OLFM1: variants seen among roughly 807,000 people sequenced by gnomAD.
OLFM1 encodes noelin.
A neutral mutation model predicts 49.7 loss-of-function variants in OLFM1; 9 were observed. The observed-to-expected ratio is 0.18, with a 90% CI of 0.11 to 0.32. The LOEUF (loss-of-function observed/expected upper bound fraction) is 0.32, where lower values mean the gene tolerates loss of function less well. Among genes scored for constraint, OLFM1 ranks in the 10% least tolerant of loss-of-function variants. The probability of loss-of-function intolerance (pLI) is 1.00; values close to 1 mark genes in which losing one functional copy is unlikely to be tolerated. For missense variants in OLFM1, 369 were observed against 661.8 expected (o/e 0.56, Z 4.85); for synonymous variants, 240 against 271.8 (o/e 0.88, Z 1.15).
intron 4 of OLFM1, among the ~76,000 whole-genome samples, chr9:135,104,685 G>A (rs1034192273): frequency 4.6e-5 from 7 of 152,214 alleles, no homozygotes; most frequent in African/African-American, 1.4e-4. Context: ...AGGGAGGGCT[G>A]GAGAGGGGCT....
intron 5 of OLFM1, among the ~76,000 whole-genome samples, chr9:135,109,208 T>G (rs1830988513): frequency 1.3e-5 from 2 of 152,240 alleles, no homozygotes; most frequent in South Asian, 4.1e-4. Flanking sequence ...CTTCTGTTTT[T>G]GTATCACCTT....
intron 5 of OLFM1, among the ~76,000 whole-genome samples, chr9:135,116,122 G>A (rs1289547081): frequency 6.6e-6 from 1 of 152,176 alleles, no homozygotes; most frequent in Non-Finnish European, 1.5e-5. Flanking sequence ...GGAGAAAGGG[G>A]AAGAAAAAGG....
chr9:135,081,512 CT>C (rs1830532435), intron 1 of OLFM1, among the ~76,000 whole-genome samples: 1 of 152,134 alleles, frequency 6.6e-6, no homozygotes, highest in African/African-American at 2.4e-5. Flanking sequence ...CTTGCAACCC[CT>C]GAGGATCAAA....
intron 5 of OLFM1, among the ~76,000 whole-genome samples, chr9:135,108,440 C>A (rs1177673053): frequency 1.3e-5 from 2 of 151,962 alleles, no homozygotes; most frequent in Non-Finnish European, 2.9e-5. Context: ...TTGAGACCAT[C>A]CTGGCCAACA....
upstream of OLFM1, chr9:135,087,438 G>A: frequency 6.5e-7 from 1 of 1,543,166 alleles, no homozygotes; most frequent in Non-Finnish European, 8.7e-7. Flanking sequence ...CCGCGCCGCC[G>A]CCGGGTATTT....
At chr9:135,109,542 C>T (rs894682040) in intron 5 of OLFM1, among the ~76,000 whole-genome samples, 14 of 152,224 alleles carry the variant, frequency 9.2e-5, no homozygotes, top group South Asian at 4.1e-4. Context: ...AGAGCACCCT[C>T]GGCTACGGCC....
chr9:135,099,255 GTTTTTGT>G (rs568238118), intron 4 of OLFM1, among the ~76,000 whole-genome samples: 152 of 152,286 alleles, frequency 1.0e-3, no homozygotes, highest in Middle Eastern at 3.4e-3. Flanking sequence ...TCACCAAGCT[GTTTTTGT>G]TTTTTGTTTT....
At chr9:135,090,112 C>A (rs1473701820) in intron 1 of OLFM1, 83 bp from the exon 2 acceptor site, 1 of 1,302,314 alleles carries the variant, frequency 7.7e-7, no homozygotes, top group East Asian at 2.5e-5. Flanking sequence ...TGGACAGTTT[C>A]CCCTGGTTGT....
At position 135,110,058 on chromosome 9, in the gene OLFM1, C is replaced by T. The variant is rs535389296; in HGVS notation, c.783+3203C>T. Among the ~76,000 whole-genome samples, 33 of 152,350 alleles carry T rather than the reference C, an allele frequency of 2.2e-4. 1 individual carries two copies. The South Asian group carries it at 6.6e-3, about 31-fold the overall frequency. ...TTCTCAGCAGGAAGCCACCCCTGCG[C>T]TTCCCAGGGCACCGGGCCCCACAGC... On this transcript the variant is annotated intron_variant, in intron 5 of 5. Coordinates refer to ENST00000371793, the MANE Select transcript of OLFM1 (RefSeq NM_001282611.2).
At chr9:135,114,089 C>CTT (rs1268953884) in intron 5 of OLFM1, among the ~76,000 whole-genome samples, 1 of 150,886 alleles carries the variant, frequency 6.6e-6, no homozygotes, top group African/African-American at 2.5e-5. Context: ...GATTTAGGGC[C>CTT]CACCTTCATC....
chr9:135,116,633 G>T (rs970857461), intron 5 of OLFM1, among the ~76,000 whole-genome samples: 17 of 152,248 alleles, frequency 1.1e-4, no homozygotes, highest in African/African-American at 4.1e-4. Flanking sequence ...CTCCAGGCAG[G>T]TCAGGAGAGG....
chr9:135,105,642 G>C (rs148970900), intron 4 of OLFM1: 1,713 of 152,384 alleles, frequency 0.011, 9 homozygotes, highest in Middle Eastern at 0.027. Context: ...GCACTCACCC[G>C]CAGTCTTCCC....
At chr9:135,111,729 G>A (rs1341263441) in intron 5 of OLFM1, among the ~76,000 whole-genome samples, 1 of 151,414 alleles carries the variant, frequency 6.6e-6, no homozygotes, top group Non-Finnish European at 1.5e-5. Flanking sequence ...CTTTTTTTTT[G>A]AGACGGAGTC....
At chr9:135,084,521 C>G (rs377732877), upstream of OLFM1, among the ~76,000 whole-genome samples, 5 of 151,656 alleles carry the variant, frequency 3.3e-5, no homozygotes, top group South Asian at 2.1e-4. The surrounding 1 kb of genome is among the most constrained non-coding windows in gnomAD (Gnocchi z 4.6). Context: ...CTCTCTGTCT[C>G]TCTCTCCATT....
In OLFM1 at chr9:135,117,900, A is replaced by G. The variant is rs1239392381; in HGVS notation, c.784-1604A>G. The stretch of plus-strand genomic sequence containing the variant: ...TCTTCAAACTGTGTGTTCCCATCTC[A>G]CCTTCCCACTAGACCCTTTCTTCAA... On this transcript the variant is annotated intron_variant, in intron 5 of 5. Coordinates refer to ENST00000371793, the MANE Select transcript of OLFM1 (RefSeq NM_001282611.2). The surrounding 1 kb of genome is among the most constrained non-coding windows in gnomAD (Gnocchi z 5.5). Among the ~76,000 whole-genome samples the G allele has an allele frequency of 6.6e-6, 1 of 151,966 alleles. No individual in the cohort carries two copies. Among genetic ancestry groups the G allele is most frequent in the Non-Finnish European group, 1.5e-5 (1 of 67,992 alleles).
Position 135,098,779 on chromosome 9 carries a change from T to C in OLFM1, c.676+274T>C, listed in dbSNP as rs1830832731. 6.6e-6 allele frequency among the ~76,000 whole-genome samples: 1 copy of C among 151,454 alleles called. No individual in the cohort carries two copies. The highest frequency in any genetic ancestry group is 1.5e-5 in the Non-Finnish European group (1 of 67,796). On this transcript the variant is annotated intron_variant, in intron 4 of 5. Transcript: ENST00000371793. This position sits in a 1 kb window ranked among gnomAD's most constrained non-coding sequence, Gnocchi z 5.6. ...AAAAAATAGCATACCATCTGGCAGATTGTGTGTGTGTGTGTGAATCGTATG... is the reference window on the plus strand; with the variant it reads ...AAAAAATAGCATACCATCTGGCAGACTGTGTGTGTGTGTGTGAATCGTATG...
intron 4 of OLFM1, chr9:135,105,844 A>T (rs562896304): frequency 6.6e-6 from 1 of 152,452 alleles, no homozygotes; most frequent in Non-Finnish European, 1.5e-5. Context: ...TGTTAGAATC[A>T]GGAGCGTTTG....
At chr9:135,094,253 C>T (rs1471306038) in intron 2 of OLFM1, among the ~76,000 whole-genome samples, 2 of 152,202 alleles carry the variant, frequency 1.3e-5, no homozygotes, top group African/African-American at 4.8e-5. Flanking sequence ...GTCACTCCCC[C>T]CATGAGCATC....
chr9:135,093,595 C>T (rs939394129), intron 2 of OLFM1, among the ~76,000 whole-genome samples: 1 of 152,192 alleles, frequency 6.6e-6, no homozygotes, highest in African/African-American at 2.4e-5. Flanking sequence ...GCTGGCCCCC[C>T]TCCCGCTTCT....
Sources: gnomAD v4.1 joint callset for allele counts (sites outside exome capture counted in the v4.1 genomes callset) on GRCh38, gnomAD v4.1.1 for gene constraint, Gnocchi (gnomAD v3.1) non-coding constraint, MANE v1.5 for transcripts, NCBI Gene and HGNC (gene_info 2026-07-23, HGNC 2026-07-21) for gene names.